The following TENM2 variants were observed in gnomAD, a reference collection of about 807,000 sequenced individuals.
TENM2 encodes the protein teneurin transmembrane protein 2.
A neutral mutation model predicts 245.2 loss-of-function variants in TENM2; 52 were observed. The ratio of observed to expected loss-of-function variants is 0.21; its 90% CI spans 0.17 to 0.27. The LOEUF (loss-of-function observed/expected upper bound fraction) is 0.27. Among genes scored for constraint, TENM2 ranks in the 10% least tolerant of loss-of-function variants. The pLI is 1.00. For synonymous variants in TENM2, 1,363 were observed against 1,438.9 expected, an observed-to-expected ratio of 0.95 and a Z score of 1.19; for missense variants, 3,046 against 3,666.8, an observed-to-expected ratio of 0.83 and a Z score of 4.37.
chr5:167,982,149 C>T (rs928041610), intron 4 of TENM2, among the ~76,000 whole-genome samples: 17 of 152,152 alleles, frequency 1.1e-4, no homozygotes, highest in Non-Finnish European at 2.5e-4. Context: ...ACAGGCTGCT[C>T]CTGCTGCCTG....
intron 2 of TENM2, among the ~76,000 whole-genome samples, chr5:167,413,972 A>G (rs1305587162): frequency 6.6e-6 from 1 of 152,094 alleles, no homozygotes; most frequent in Non-Finnish European, 1.5e-5. Flanking sequence ...AAGGAAAATT[A>G]TTTGTTTTGT....
At chr5:167,656,778 C>T (rs1754868484) in intron 2 of TENM2, among the ~76,000 whole-genome samples, 2 of 151,850 alleles carry the variant, frequency 1.3e-5, no homozygotes, top group South Asian at 2.1e-4. Context: ...TATCAACAGC[C>T]CTTTCCTTTA....
At chr5:167,524,967 G>A (rs1771010052) in intron 2 of TENM2, among the ~76,000 whole-genome samples, 6 of 151,922 alleles carry the variant, frequency 3.9e-5, no homozygotes, top group Admixed American at 3.9e-4. Flanking sequence ...GGTTACTCTT[G>A]CAAGCTTCTT....
intron 1 of TENM2, among the ~76,000 whole-genome samples, chr5:167,291,546 G>A (rs1022527865): frequency 6.6e-6 from 1 of 152,164 alleles, no homozygotes; most frequent in African/African-American, 2.4e-5. Context: ...TATGGTTGGG[G>A]TTTATTTTGC....
At chr5:167,264,576 G>A in the TENM2 span, among the ~76,000 whole-genome samples, 432 of 152,252 alleles carry the variant, frequency 2.8e-3, 12 homozygotes, top group East Asian at 0.054. Context: ...CTGCAATTGA[G>A]CACAAGCCCT....
At chr5:167,721,550 C>G (rs556173769) in intron 2 of TENM2, 41 of 152,276 alleles carry the variant, frequency 2.7e-4, no homozygotes, top group Admixed American at 2.7e-3. Flanking sequence ...GTTCATGGCC[C>G]CTTCCTTCAT....
intron 2 of TENM2, among the ~76,000 whole-genome samples, chr5:167,577,269 G>C (rs1318104343): frequency 6.6e-6 from 1 of 152,154 alleles, no homozygotes; most frequent in Non-Finnish European, 1.5e-5. Flanking sequence ...GGGACGTAGG[G>C]TATTACAAAA....
intron 9 of TENM2, among the ~76,000 whole-genome samples, chr5:168,103,029 G>C (rs11955988): frequency 5.4e-3 from 717 of 133,404 alleles, no homozygotes; most frequent in Middle Eastern, 7.4e-3. Context: ...ATCCCTCCCC[G>C]CCTCCCCCCA....
the TENM2 span, among the ~76,000 whole-genome samples, chr5:166,991,827 A>C: frequency 6.6e-6 from 1 of 152,220 alleles, no homozygotes; most frequent in Non-Finnish European, 1.5e-5. Flanking sequence ...TTTTTAATGG[A>C]AAACAAATGG....
At chr5:167,606,829 AT>A (rs1290323704) in intron 2 of TENM2, among the ~76,000 whole-genome samples, 2 of 152,192 alleles carry the variant, frequency 1.3e-5, no homozygotes, top group Admixed American at 1.3e-4. Flanking sequence ...GAGATTACAG[AT>A]ATCAAAAGGG....
At chr5:167,796,372 T>C (rs1765318694) in intron 2 of TENM2, among the ~76,000 whole-genome samples, 3 of 150,294 alleles carry the variant, frequency 2.0e-5, no homozygotes. Context: ...CCATGCTCTC[T>C]GGTTCCAGAT....
intron 2 of TENM2, among the ~76,000 whole-genome samples, chr5:167,555,777 C>T (rs546202192): frequency 4.6e-5 from 7 of 152,212 alleles, no homozygotes; most frequent in African/African-American, 9.6e-5. Flanking sequence ...ATCTGACTGT[C>T]GGTCGTAGCA....
chr5:167,929,057 GAGAGAAAGAA>G (rs1165708048), intron 3 of TENM2, among the ~76,000 whole-genome samples: 43 of 57,384 alleles, frequency 7.5e-4, no homozygotes, highest in South Asian at 1.2e-3. Flanking sequence ...AAGAAAGAAA[GAGAGAAAGAA>G]AGAAAGAAAG....
chr5:167,982,480 A>G (rs1487665953), intron 4 of TENM2, among the ~76,000 whole-genome samples: 1 of 152,012 alleles, frequency 6.6e-6, no homozygotes, highest in Non-Finnish European at 1.5e-5. Context: ...CATATATTAA[A>G]CACTTCCTGT....
chr5:167,074,446 T>G, the TENM2 span, among the ~76,000 whole-genome samples: 1 of 152,260 alleles, frequency 6.6e-6, no homozygotes, highest in African/African-American at 2.4e-5. Context: ...CATAATACAA[T>G]GATCAGCCTG....
downstream of TENM2, chr5:168,263,730 C>T (rs1042948925): frequency 3.3e-5 from 5 of 152,586 alleles, no homozygotes; most frequent in African/African-American, 7.2e-5. Flanking sequence ...GTTTAGATTC[C>T]GTAGTTCGTG....
chr5:167,205,326 A>G, the TENM2 span, among the ~76,000 whole-genome samples: 1 of 152,184 alleles, frequency 6.6e-6, no homozygotes, highest in South Asian at 2.1e-4. Context: ...GGTTGCAGTG[A>G]GCCAAGATCA....
chr5:167,311,429 A>G (rs1230649597), intron 1 of TENM2, among the ~76,000 whole-genome samples: 2 of 152,162 alleles, frequency 1.3e-5, no homozygotes, highest in Non-Finnish European at 2.9e-5. Context: ...AATTGGAATT[A>G]TATGTGCTAT....
chr5:167,342,569 G>A (rs1470174507), intron 1 of TENM2, among the ~76,000 whole-genome samples: 6 of 126,744 alleles, frequency 4.7e-5, no homozygotes, highest in Non-Finnish European at 9.5e-5. Context: ...CGCCCAGGCC[G>A]GACTGCGGAC....
Sources: allele counts gnomAD v4.1 joint callset (sites outside exome capture counted in the v4.1 genomes callset), GRCh38; gene constraint gnomAD v4.1.1; transcripts MANE v1.5; gene names NCBI Gene and HGNC (gene_info 2026-07-23, HGNC 2026-07-21).